Variants in PXN observed in about 807,000 individuals in gnomAD.
PXN encodes paxillin.
In PXN, 61 loss-of-function variants were observed where a neutral mutation model predicts 103.6. That is an observed-to-expected ratio of 0.59 (90% CI 0.48 to 0.73). The LOEUF (loss-of-function observed/expected upper bound fraction) is 0.73. PXN is among the 30% of genes least tolerant of loss of function. The pLI is 0.00. For missense variants in PXN, 1,274 were observed against 1,460.3 expected, an observed-to-expected ratio of 0.87 and a Z score of 2.08; for synonymous variants, 562 against 607.8, an observed-to-expected ratio of 0.92 and a Z score of 1.11.
At chr12:120,239,082 A>G (rs979729800) in intron 1 of PXN, among the ~76,000 whole-genome samples, 1 of 152,232 alleles carries the variant, frequency 6.6e-6, no homozygotes, top group Non-Finnish European at 1.5e-5. Flanking sequence ...TCACCAAAAA[A>G]GCCAGGGAGC....
At chr12:120,226,402 G>A (rs979028029) in intron 1 of PXN, 21 of 1,289,102 alleles carry the variant, frequency 1.6e-5, no homozygotes, top group Non-Finnish European at 2.1e-5. Context: ...TGGTATAACT[G>A]CGGTTCAGAG....
At position 120,265,361 on chromosome 12, in the gene PXN, C is replaced by T. The variant is rs375435141; in HGVS notation, c.13+256G>A. Among the ~76,000 whole-genome samples, 3 of 152,182 alleles carry T rather than the reference C, an allele frequency of 2.0e-5. No homozygotes were observed. In the East Asian group the frequency reaches 5.8e-4, roughly 30 times the overall value. ...CTTCTGGGAGATGGTGATGGGTCCC[C>T]GAGGTCGGGGGTCCAGAGGTGAAGC... is the stretch of plus-strand genomic sequence containing the variant. On this transcript the variant is annotated intron_variant, in intron 1 of 14. Coordinates refer to ENST00000637617, the MANE Select transcript of PXN (RefSeq NM_001385981.1). The surrounding 1 kb of genome is among the most constrained non-coding windows in gnomAD (Gnocchi z 5.7).
chr12:120,227,367 GATAT>G (rs755100214), intron 1 of PXN, among the ~76,000 whole-genome samples: 16 of 152,162 alleles, frequency 1.1e-4, no homozygotes, highest in Non-Finnish European at 2.4e-4. Context: ...TGGGTGTGGT[GATAT>G]GCGCCTGTAG....
In PXN at chr12:120,215,943, T is replaced by C. The variant is rs779804406; in HGVS notation, c.2302-282A>G. The C allele has an allele frequency of 7.2e-7, 1 of 1,380,212 alleles. No homozygotes were observed. Among genetic ancestry groups the C allele is most frequent in the Admixed American group, 2.8e-5 (1 of 36,210 alleles). 85.5% of individuals were successfully genotyped at this position (1,380,212 alleles called of 1,614,324 possible). A position where few individuals can be genotyped will look rare whatever the true frequency, so the allele number is the denominator to read the frequency against. Reference sequence around the variant, plus strand: ...ATGAGGCCTCACCGGGCGCTGGGCCTGGGGGCTGGAAGGGAGGAGACAGGT... The same window carrying C: ...ATGAGGCCTCACCGGGCGCTGGGCCCGGGGGCTGGAAGGGAGGAGACAGGT... On this transcript the variant is annotated intron_variant, in intron 9 of 14. Coordinates refer to ENST00000637617, the MANE Select transcript of PXN (RefSeq NM_001385981.1). The surrounding 1 kb of genome is among the most constrained non-coding windows in gnomAD (Gnocchi z 4.9).
At position 120,211,910 on chromosome 12, in the gene PXN, A is replaced by G. The variant is rs764621183; in HGVS notation, c.*404T>C. 4 of 525,940 alleles carry G rather than the reference A, an allele frequency of 7.6e-6. No homozygotes were observed. Among genetic ancestry groups the G allele is most frequent in the Admixed American group, 3.9e-5 (2 of 51,652 alleles). 32.6% of individuals were successfully genotyped at this position (525,940 alleles called of 1,614,324 possible). A position where few individuals can be genotyped will look rare whatever the true frequency, so the allele number is the denominator to read the frequency against. On this transcript the variant is annotated 3_prime_UTR_variant, in exon 15 of 15. Transcript: ENST00000637617. Reference sequence around the variant, plus strand: ...AAGACAATTAGGTCGGGGGAGGAATAAGGATAAAAAGAGACCCCAACAGAC... The same window carrying G: ...AAGACAATTAGGTCGGGGGAGGAATGAGGATAAAAAGAGACCCCAACAGAC...
At chr12:120,251,964 A>C (rs1338749208) in intron 1 of PXN, among the ~76,000 whole-genome samples, 1 of 152,226 alleles carries the variant, frequency 6.6e-6, no homozygotes, top group East Asian at 1.9e-4. Flanking sequence ...TCGGGAAAGT[A>C]TGTCAGGAAA....
chr12:120,210,967 A>G lies in PXN; in HGVS notation c.*1347T>C, dbSNP rs1880036862. 6.6e-6 allele frequency: 1 copy of G among 152,546 alleles called. No homozygotes were observed. The highest frequency in any genetic ancestry group is 1.5e-5 in the Non-Finnish European group (1 of 68,116). 9.4% of individuals were successfully genotyped at this position (152,546 alleles called of 1,614,324 possible). A position where few individuals can be genotyped will look rare whatever the true frequency, so the allele number is the denominator to read the frequency against. ...CCGATCCCACCTGTGAAAGGGGAGG[A>G]GCAGATCTGGGGAAGGGATATGCCC... On this transcript the variant is annotated 3_prime_UTR_variant, in exon 15 of 15. Coordinates refer to ENST00000637617, the MANE Select transcript of PXN (RefSeq NM_001385981.1).
In PXN at chr12:120,215,548, C is replaced by A; in HGVS notation, c.2403+12G>T. On this transcript the variant is annotated intron_variant, in intron 10 of 14. Coordinates refer to ENST00000637617, the MANE Select transcript of PXN (RefSeq NM_001385981.1). This position sits in a 1 kb window ranked among gnomAD's most constrained non-coding sequence, Gnocchi z 4.9. ...CGACACGCAGGACACCCAGCCCAGC[C>A]TTGGCACTGACCCCTCCCTCGTCCT... is the stretch of plus-strand genomic sequence containing the variant. 6.4e-7 allele frequency: 1 copy of A among 1,571,766 alleles called. No homozygotes were observed. Among genetic ancestry groups the A allele is most frequent in the South Asian group, 1.1e-5 (1 of 86,982 alleles).
chr12:120,215,150 C>A lies in PXN; in HGVS notation c.2527G>T (p.Val843Phe), dbSNP rs749967907. The stretch of plus-strand genomic sequence containing the variant: ...CAGGCCCCGCAGACTCCTTTGGCGA[C>A]TGTGGCGACCCCCAGCTTGTTCAGG... ...SDLNKLGVAT[V>F]AKGVCGACKK... The change falls in exon 11 of 15, where the codon GTC (valine) becomes TTC (phenylalanine). Residue 843 changes from valine (V) to phenylalanine (F), a missense_variant. Coordinates refer to ENST00000637617, the MANE Select transcript of PXN (RefSeq NM_001385981.1). This position sits in a 1 kb window ranked among gnomAD's most constrained non-coding sequence, Gnocchi z 4.9. The A allele has an allele frequency of 6.4e-7, 1 of 1,571,128 alleles. No homozygotes were observed. Among genetic ancestry groups the A allele is most frequent in the South Asian group, 1.2e-5 (1 of 84,786 alleles).
chr12:120,222,493 C>T lies in PXN; in HGVS notation c.695+56G>A, dbSNP rs747569136. ...AGGGCTAAGGGGACAGACACTGGAC[C>T]CGGGGCAGGCTGGGCCAGCCCTTCC... On this transcript the variant is annotated intron_variant, in intron 5 of 14. Coordinates refer to ENST00000637617, the MANE Select transcript of PXN (RefSeq NM_001385981.1). This position sits in a 1 kb window ranked among gnomAD's most constrained non-coding sequence, Gnocchi z 4.7. 90 of 1,511,584 alleles carry T rather than the reference C, an allele frequency of 6.0e-5. No individual in the cohort carries two copies. The highest frequency in any genetic ancestry group is 7.9e-5 in the Non-Finnish European group (89 of 1,122,554). 93.6% of individuals were successfully genotyped at this position (1,511,584 alleles called of 1,614,324 possible).
chr12:120,244,667 A>T lies in PXN; in HGVS notation c.14-20290T>A, dbSNP rs1307186650. Among the ~76,000 whole-genome samples the T allele has an allele frequency of 4.5e-4, 67 of 149,394 alleles. 2 individuals carry two copies. Among genetic ancestry groups the T allele is most frequent in the Admixed American group, 4.3e-3 (65 of 14,946 alleles). ...CGTCTCGGAAAAAAAAAAAAAAAAT[A>T]CAAAACTTAGCTGGGCGCAGTGGCA... is the stretch of plus-strand genomic sequence containing the variant. On this transcript the variant is annotated intron_variant, in intron 1 of 14. Coordinates refer to ENST00000637617, the MANE Select transcript of PXN (RefSeq NM_001385981.1).
intron 1 of PXN, among the ~76,000 whole-genome samples, chr12:120,242,426 G>C (rs1159718460): frequency 2.0e-5 from 3 of 151,888 alleles, no homozygotes; most frequent in African/African-American, 7.3e-5. Context: ...GCCTAAGCAG[G>C]TTATCAGAGG....
Position 120,214,675 on chromosome 12 carries a change from G to A in PXN, c.2748+150C>T. 1.0e-6 allele frequency: 1 copy of A among 991,428 alleles called. No individual in the cohort carries two copies. Among genetic ancestry groups the A allele is most frequent in the East Asian group, 2.6e-5 (1 of 38,750 alleles). 61.4% of individuals were successfully genotyped at this position (991,428 alleles called of 1,614,324 possible). A position where few individuals can be genotyped will look rare whatever the true frequency, so the allele number is the denominator to read the frequency against. ...TCGGGACAGGCTGTGGTTCAGGTGT[G>A]GCTGTGAATCCGGCCCCACTGTTCC... On this transcript the variant is annotated intron_variant, in intron 12 of 14. Coordinates refer to ENST00000637617, the MANE Select transcript of PXN (RefSeq NM_001385981.1). The surrounding 1 kb of genome is among the most constrained non-coding windows in gnomAD (Gnocchi z 5.0).
At chr12:120,226,108 GAACC>G in intron 1 of PXN, 8 of 1,123,426 alleles carry the variant, frequency 7.1e-6, no homozygotes, top group Non-Finnish European at 8.8e-6. Context: ...GGCAGAAAAG[GAACC>G]AGTGTCCAGG....
chr12:120,215,093 C>T lies in PXN; in HGVS notation c.2574+10G>A. 9 of 1,584,446 alleles carry T rather than the reference C, an allele frequency of 5.7e-6. No individual in the cohort carries two copies. Among genetic ancestry groups the T allele is most frequent in the Non-Finnish European group, 7.7e-6 (9 of 1,163,088 alleles). On this transcript the variant is annotated intron_variant, in intron 11 of 14. Coordinates refer to ENST00000637617, the MANE Select transcript of PXN (RefSeq NM_001385981.1). This position sits in a 1 kb window ranked among gnomAD's most constrained non-coding sequence, Gnocchi z 4.9. Reference sequence around the variant, plus strand: ...CACTGGCCACACCCCTGCCCACTCCCCCTCATCACCTGCCCGGCGATGGGC... The same window carrying T: ...CACTGGCCACACCCCTGCCCACTCCTCCTCATCACCTGCCCGGCGATGGGC...
intron 1 of PXN, chr12:120,226,630 A>T: frequency 8.4e-7 from 1 of 1,185,654 alleles, no homozygotes; most frequent in Non-Finnish European, 1.1e-6. Flanking sequence ...TACAATGTCA[A>T]CAGGCTCTTG....
rs946442565 is a variant in PXN at position 120,254,517 on chromosome 12, G to C, written c.13+11100C>G. On this transcript the variant is annotated intron_variant, in intron 1 of 14. Coordinates refer to ENST00000637617, the MANE Select transcript of PXN (RefSeq NM_001385981.1). ...CCTATGACAACATGTTGTAAACCTC[G>C]AATATACACAATAAGGTTTAGTGGT... Among the ~76,000 whole-genome samples the C allele has an allele frequency of 2.0e-4, 30 of 152,030 alleles. 1 individual carries two copies. The highest frequency in any genetic ancestry group is 4.1e-4 in the Non-Finnish European group (28 of 68,022).
Position 120,216,828 on chromosome 12 carries a change from ATC to A in PXN, c.1992+11_1992+12del. 1 of 1,546,910 alleles carries A rather than the reference ATC, an allele frequency of 6.5e-7. No homozygotes were observed. On this transcript the variant is annotated intron_variant, in intron 8 of 14. Transcript: ENST00000637617. This position sits in a 1 kb window ranked among gnomAD's most constrained non-coding sequence, Gnocchi z 5.1. Reference sequence around the variant, plus strand: ...CTCTGGCCCAGCCCCAGCCATGGGCATCTCCTCGCCACCTTCTCTACGAGCTG... The same window carrying A: ...CTCTGGCCCAGCCCCAGCCATGGGCATCCTCGCCACCTTCTCTACGAGCTG...
In PXN at chr12:120,250,832, C is replaced by A. The variant is rs554210125; in HGVS notation, c.13+14785G>T. On this transcript the variant is annotated intron_variant, in intron 1 of 14. Coordinates refer to ENST00000637617, the MANE Select transcript of PXN (RefSeq NM_001385981.1). ...CTTCCCCCAGGCCTAGCTAAGCAAC[C>A]AAACAGGGCCAATTGCACTAAGTGC... 8.8e-5 allele frequency among the ~76,000 whole-genome samples: 13 copies of A among 148,140 alleles called. 1 individual carries two copies. In the East Asian group the frequency reaches 2.7e-3, roughly 30 times the overall value.
Sources: allele counts gnomAD v4.1 joint callset (sites outside exome capture counted in the v4.1 genomes callset), GRCh38; gene constraint gnomAD v4.1.1; non-coding constraint Gnocchi (gnomAD v3.1); transcripts MANE v1.5; gene names NCBI Gene and HGNC (gene_info 2026-07-23, HGNC 2026-07-21).